The following MMD2 variants were observed in gnomAD, a reference collection of about 807,000 sequenced individuals.
MMD2 encodes monocyte to macrophage differentiation associated 2, also known as monocyte to macrophage differentiation factor 2.
A neutral mutation model predicts 33.5 loss-of-function variants in MMD2; 30 were observed. That is an observed-to-expected ratio of 0.90 (90% CI 0.67 to 1.22). The LOEUF (loss-of-function observed/expected upper bound fraction) is 1.22, where lower values mean the gene tolerates loss of function less well. Ranked by LOEUF, MMD2 falls within the 50% of genes most tolerant of loss-of-function variation. The pLI, the probability that MMD2 is intolerant of heterozygous loss-of-function variation, is 0.00. For missense variants in MMD2, 364 were observed against 325.4 expected (o/e 1.12, Z -0.91); for synonymous variants, 129 against 123.0 (o/e 1.05, Z -0.32).
At chr7:4,918,483 C>CTTT (rs60393757) in intron 3 of MMD2, among the ~76,000 whole-genome samples, 9 of 131,026 alleles carry the variant, frequency 6.9e-5, no homozygotes, top group African/African-American at 8.8e-5. Context: ...TTCTTTCTTT[C>CTTT]TTTTTTTTTT....
chr7:4,908,156 T>G (rs1473747053), intron 6 of MMD2, among the ~76,000 whole-genome samples: 1 of 151,736 alleles, frequency 6.6e-6, no homozygotes, highest in Non-Finnish European at 1.5e-5. Context: ...TGTTTTTTTT[T>G]TTTTTGAGAC....
intron 1 of MMD2, among the ~76,000 whole-genome samples, chr7:4,947,794 G>A (rs1034392391): frequency 6.7e-6 from 1 of 148,884 alleles, no homozygotes. Flanking sequence ...CCACCTCCCG[G>A]GTTCAAGCGA....
rs1353742372 is a variant in MMD2, at chr7:4,946,097, ACGCATGCACACG to A, written c.47+12862_47+12873del. The stretch of plus-strand genomic sequence containing the variant: ...CACGCACGCACACGCACGCACACAC[ACGCATGCACACG>A]CGCACACGCACGCACACACCTGCAC... On this transcript the variant is annotated intron_variant, in intron 1 of 6. Transcript: ENST00000401401. The surrounding 1 kb of genome is among the most constrained non-coding windows in gnomAD (Gnocchi z 5.0). Among the ~76,000 whole-genome samples the A allele has an allele frequency of 1.3e-5, 2 of 150,980 alleles. No individual in the cohort carries two copies. The highest frequency in any genetic ancestry group is 3.0e-5 in the Non-Finnish European group (2 of 67,738).
Position 4,944,059 on chromosome 7 carries a change from A to C in MMD2, c.47+14912T>G, listed in dbSNP as rs183475039. On this transcript the variant is annotated intron_variant, in intron 1 of 6. Coordinates refer to ENST00000401401, the MANE Select transcript of MMD2 (RefSeq NM_198403.4). ...AGCAATCTTCCCACCTCAGCCTCCC[A>C]AGTAGCTGGGGACTACAGGTGCACA... Among the ~76,000 whole-genome samples, 233 of 151,888 alleles carry C rather than the reference A, an allele frequency of 1.5e-3. 3 individuals carry two copies. Among genetic ancestry groups the C allele is most frequent in the Admixed American group, 6.5e-3 (99 of 15,246 alleles).
Position 4,920,323 on chromosome 7 carries a change from G to C in MMD2, c.138C>G (p.Ile46Met). 1 of 1,608,172 alleles carries C rather than the reference G, an allele frequency of 6.2e-7. No individual in the cohort carries two copies. Among genetic ancestry groups the C allele is most frequent in the South Asian group, 1.1e-5 (1 of 89,398 alleles). The change falls in exon 3 of 7, where the codon ATC becomes ATG. Residue 46 changes from isoleucine to methionine, a missense_variant. Coordinates refer to ENST00000401401, the MANE Select transcript of MMD2 (RefSeq NM_198403.4). ...TGGAGCTGCCCAGGATGCTGGGGATGATCCAGAACTGGAGGGGCAGGGACG... is the reference window on the plus strand; with the variant it reads ...TGGAGCTGCCCAGGATGCTGGGGATCATCCAGAACTGGAGGGGCAGGGACG... Reference protein sequence around the residue: ...AANCATHAFWIIPSILGSSNL... With the variant: ...AANCATHAFWMIPSILGSSNL...
At chr7:4,925,265 G>A (rs1036267235) in intron 2 of MMD2, among the ~76,000 whole-genome samples, 186 bp downstream of exon 2, 1 of 152,084 alleles carries the variant, frequency 6.6e-6, no homozygotes, top group African/African-American at 2.4e-5. Flanking sequence ...CAGAGACATG[G>A]CCAGCACTGC....
intron 1 of MMD2, among the ~76,000 whole-genome samples, chr7:4,931,248 C>T (rs1288227957): frequency 6.6e-6 from 1 of 151,990 alleles, no homozygotes; most frequent in Non-Finnish European, 1.5e-5. Context: ...TGGGCTCGAG[C>T]AATCCTCCCA....
intron 4 of MMD2, among the ~76,000 whole-genome samples, chr7:4,913,207 G>T (rs189879400): frequency 1.3e-5 from 2 of 152,076 alleles, no homozygotes; most frequent in Non-Finnish European, 2.9e-5. Flanking sequence ...TAGGTCACTG[G>T]GTAGAAGGAT....
chr7:4,907,227 T>C lies in MMD2; in HGVS notation c.*169A>G. The C allele has an allele frequency of 1.6e-6, 1 of 630,414 alleles. No homozygotes were observed. Among genetic ancestry groups the C allele is most frequent in the South Asian group, 2.0e-5 (1 of 51,168 alleles). 39.1% of individuals were successfully genotyped at this position (630,414 alleles called of 1,614,324 possible). ...TAAGAATGGCTAAATGCTTTCTTTCTCGCTGGGGACTCGAGGGATGATCTG... is the reference window on the plus strand; with the variant it reads ...TAAGAATGGCTAAATGCTTTCTTTCCCGCTGGGGACTCGAGGGATGATCTG... On this transcript the variant is annotated 3_prime_UTR_variant, in exon 7 of 7. Transcript: ENST00000401401.
At chr7:4,898,779 A>T in the MMD2 span, among the ~76,000 whole-genome samples, 10 of 152,258 alleles carry the variant, frequency 6.6e-5, no homozygotes, top group Non-Finnish European at 1.5e-4. Flanking sequence ...CGCATCTGTA[A>T]TCCCAGCTAC....
At chr7:4,939,743 T>TTTC (rs1491443647) in intron 1 of MMD2, among the ~76,000 whole-genome samples, 867 of 65,208 alleles carry the variant, frequency 0.013, 8 homozygotes, top group African/African-American at 0.077. Flanking sequence ...TCTTTCTTTC[T>TTTC]TTTTTTTTTT....
chr7:4,949,132 C>T (rs954412768), intron 1 of MMD2, among the ~76,000 whole-genome samples: 1 of 152,024 alleles, frequency 6.6e-6, no homozygotes. Context: ...ATCACTTGAG[C>T]CTGGGAGGCA....
At chr7:4,920,104 C>T (rs930851513) in intron 3 of MMD2, 67 bp downstream of exon 3, 15 of 1,503,126 alleles carry the variant, frequency 1.0e-5, no homozygotes, top group Middle Eastern at 2.1e-4. Context: ...GTTCACCCCC[C>T]GGGCTGCCAT....
chr7:4,937,416 AAAAGAAAGAAAGAG>A (rs1441653064), intron 1 of MMD2, among the ~76,000 whole-genome samples: 5 of 151,864 alleles, frequency 3.3e-5, no homozygotes, highest in African/African-American at 1.2e-4. Flanking sequence ...AAAAGAAAGA[AAAAGAAAGAAAGAG>A]AAAGAAAGAA....
At chr7:4,945,079 G>A (rs1273354559) in intron 1 of MMD2, among the ~76,000 whole-genome samples, 4 of 126,836 alleles carry the variant, frequency 3.2e-5, no homozygotes, top group Non-Finnish European at 3.3e-5. Context: ...TCCTCCCCCC[G>A]ACCCCTTCTT....
In MMD2 at chr7:4,906,265, C is replaced by T. The variant is rs968377521; in HGVS notation, c.*1131G>A. ...CAGCATTGGACAGAGAGGCTGGCCC[C>T]GCCCTGACGGGGGCTGAAGAACAGG... On this transcript the variant is annotated 3_prime_UTR_variant, in exon 7 of 7. Transcript: ENST00000401401. The T allele has an allele frequency of 1.6e-5, 6 of 383,384 alleles. No individual in the cohort carries two copies. In the East Asian group the frequency reaches 1.9e-4, roughly 12 times the overall value. The allele number at this position is 383,384 out of a possible 1,614,324, so 23.7% of individuals were successfully genotyped here. A position where few individuals can be genotyped will look rare whatever the true frequency, so the allele number is the denominator to read the frequency against.
intron 1 of MMD2, among the ~76,000 whole-genome samples, chr7:4,943,953 C>A (rs1785981350): frequency 6.6e-6 from 1 of 151,664 alleles, no homozygotes; most frequent in Non-Finnish European, 1.5e-5. Flanking sequence ...AGGTGCACGC[C>A]ACCACCCCCA....
At chr7:4,947,342 C>A (rs1786115984) in intron 1 of MMD2, among the ~76,000 whole-genome samples, 2 of 151,470 alleles carry the variant, frequency 1.3e-5, no homozygotes, top group Non-Finnish European at 2.9e-5. Flanking sequence ...AAAGGGGGAG[C>A]AGGTGTCTTA....
At chr7:4,902,027 T>C (rs1248213403), downstream of MMD2, among the ~76,000 whole-genome samples, 2 of 152,148 alleles carry the variant, frequency 1.3e-5, 1 homozygote, top group African/African-American at 4.8e-5. Context: ...TCTCGGCTCA[T>C]TGCAACCTCT....
Sources: allele counts gnomAD v4.1 joint callset (sites outside exome capture counted in the v4.1 genomes callset), GRCh38; gene constraint gnomAD v4.1.1; non-coding constraint Gnocchi (gnomAD v3.1); transcripts MANE v1.5; gene names NCBI Gene and HGNC (gene_info 2026-07-23, HGNC 2026-07-21).